RAB1A: variants seen among roughly 807,000 people sequenced by gnomAD.
The protein encoded by RAB1A is ras-related protein Rab-1A.
In RAB1A, 2 loss-of-function variants were observed where a neutral mutation model predicts 26.0. The ratio of observed to expected loss-of-function variants is 0.08; its 90% CI spans 0.03 to 0.24. RAB1A has a LOEUF of 0.24. Ranked by LOEUF, RAB1A falls within the 10% of genes least tolerant of loss-of-function variation. The pLI, the probability that RAB1A is intolerant of heterozygous loss-of-function variation, is 1.00. For synonymous variants in RAB1A, 84 were observed against 84.9 expected (o/e 0.99, Z 0.06); for missense variants, 100 against 247.0 (o/e 0.40, Z 3.99).
At position 65,121,224 on chromosome 2, in the gene RAB1A, G is replaced by C. The variant is rs947467972; in HGVS notation, c.23+8669C>G. Among the ~76,000 whole-genome samples, 9 of 116,078 alleles carry C rather than the reference G, an allele frequency of 7.8e-5. No homozygotes were observed. The East Asian group carries it at 2.6e-3, about 34-fold the overall frequency. The allele number at this position is 116,078 out of a possible 152,430, so 76.2% of individuals were successfully genotyped here. ...CACTCCAGCCTGGGAGACAGAGCTA[G>C]ATCATGTCTCGAAAAAAAAAAAAAA... On this transcript the variant is annotated intron_variant, in intron 1 of 5. Transcript: ENST00000409784.
In RAB1A at chr2:65,088,682, A is replaced by G. The variant is rs750271630; in HGVS notation, c.429T>C (p.Ala143=). ...CCAAAAACGGAATTCCAAGGGAATCAGCAAATTCCTAAGAGAATAATGAGG... is the reference window on the plus strand; with the variant it reads ...CCAAAAACGGAATTCCAAGGGAATCGGCAAATTCCTAAGAGAATAATGAGG... ...VVDYTTAKEF[A]DSLGIPFLET... is the part of the protein sequence containing the mutation. Residue 143 remains alanine (A), a synonymous_variant, in exon 6 of 6, where the codon GCT becomes GCC. Transcript: ENST00000409784. 2.1e-5 allele frequency: 34 copies of G among 1,604,286 alleles called. No homozygotes were observed. The highest frequency in any genetic ancestry group is 1.2e-4 in the South Asian group (11 of 89,332).
At chr2:65,114,171 C>A in intron 1 of RAB1A, 1 of 443,074 alleles carries the variant, frequency 2.3e-6, no homozygotes, top group Non-Finnish European at 4.4e-6. Flanking sequence ...TTTCTTCTTT[C>A]ATGAAATAAA....
chr2:65,104,751 G>A lies in RAB1A; in HGVS notation c.79C>T (p.Leu27Phe), dbSNP rs1669513191. The change falls in exon 2 of 6, where the codon CTT becomes TTT. Residue 27 changes from leucine (L) to phenylalanine (F), a missense_variant. Transcript: ENST00000409784. ...CAACTTACTGCAAACCTAAGAAGAA[G>A]GCAAGACTTTCCAACCCCTGAGTCG... ...IGDSGVGKSC[L>F]LLRFADDTYT... 6.3e-7 allele frequency: 1 copy of A among 1,592,950 alleles called. No homozygotes were observed. The highest frequency in any genetic ancestry group is 8.6e-7 in the Non-Finnish European group (1 of 1,167,364).
intron 3 of RAB1A, among the ~76,000 whole-genome samples, chr2:65,097,458 A>G (rs956954589): frequency 6.6e-6 from 1 of 152,200 alleles, no homozygotes; most frequent in African/African-American, 2.4e-5. Flanking sequence ...TGAGCAGTAA[A>G]ATGAACATGT....
chr2:65,120,022 C>A (rs1669921927), intron 1 of RAB1A, among the ~76,000 whole-genome samples: 1 of 151,844 alleles, frequency 6.6e-6, no homozygotes, highest in Non-Finnish European at 1.5e-5. Flanking sequence ...CACCAATCTA[C>A]ACATAAAGCA....
intron 1 of RAB1A, among the ~76,000 whole-genome samples, chr2:65,125,498 T>C (rs1285813378): frequency 1.4e-5 from 2 of 147,930 alleles, no homozygotes. Flanking sequence ...CTGGACTCAC[T>C]GCAGCCTCCG....
rs1441875239 is a variant in RAB1A, at chr2:65,086,993, T to TA, written c.*1499dup. ...TGCCTGTTTAGTGAAAAATAAAAAT[T>TA]AAAAAAACCTATTCATTTTTGGCTT... On this transcript the variant is annotated 3_prime_UTR_variant, in exon 6 of 6. Coordinates refer to ENST00000409784, the MANE Select transcript of RAB1A (RefSeq NM_004161.5). The TA allele has an allele frequency of 6.6e-6, 1 of 152,406 alleles. No homozygotes were observed. The highest frequency in any genetic ancestry group is 2.4e-5 in the African/African-American group (1 of 41,452). The allele number at this position is 152,406 out of a possible 1,614,324, so 9.4% of individuals were successfully genotyped here.
chr2:65,127,376 T>C (rs1235560977), intron 1 of RAB1A, among the ~76,000 whole-genome samples: 3 of 152,174 alleles, frequency 2.0e-5, no homozygotes, highest in African/African-American at 7.2e-5. Flanking sequence ...CCTGAAATCT[T>C]GTTGCTCTCA....
In RAB1A at chr2:65,129,898, G is replaced by T. The variant is rs751099183; in HGVS notation, c.18C>A (p.Pro6=). Residue 6 remains proline, a synonymous_variant, in exon 1 of 6, where the codon CCC becomes CCA. Coordinates refer to ENST00000409784, the MANE Select transcript of RAB1A (RefSeq NM_004161.5). MSSMN[P]EYDYLFKLLL... ...CGGTGCTCTCCTGAACTCACTATTC[G>T]GGATTCATGCTGGACATGTCACTGC... 1.3e-6 allele frequency: 2 copies of T among 1,596,432 alleles called. No individual in the cohort carries two copies. Among genetic ancestry groups the T allele is most frequent in the African/African-American group, 1.3e-5 (1 of 74,512 alleles).
intron 1 of RAB1A, among the ~76,000 whole-genome samples, chr2:65,119,462 G>A (rs965043334): frequency 7.3e-5 from 11 of 150,224 alleles, no homozygotes; most frequent in African/African-American, 2.2e-4. Context: ...ACCCGAAATC[G>A]AGCCACTGCA....
chr2:65,101,237 C>T (rs1399668494), intron 2 of RAB1A, among the ~76,000 whole-genome samples: 1 of 152,012 alleles, frequency 6.6e-6, no homozygotes. Flanking sequence ...ATTCGTCTGC[C>T]CAAAAGCCTC....
chr2:65,104,482 TTGACTC>T (rs1409402288), intron 2 of RAB1A, among the ~76,000 whole-genome samples: 2 of 152,244 alleles, frequency 1.3e-5, no homozygotes, highest in Admixed American at 6.5e-5. Flanking sequence ...GAACTGCTGT[TTGACTC>T]TGACCAAAAG....
chr2:65,129,610 G>A (rs944407056), intron 1 of RAB1A, among the ~76,000 whole-genome samples: 3 of 150,194 alleles, frequency 2.0e-5, no homozygotes. Context: ...ACCGCCCCAG[G>A]CCCCTCGGCA....
chr2:65,128,377 TGTTACCA>T (rs1670153542), intron 1 of RAB1A, among the ~76,000 whole-genome samples: 1 of 152,200 alleles, frequency 6.6e-6, no homozygotes, highest in African/African-American at 2.4e-5. Context: ...TGTTCTTTAT[TGTTACCA>T]AGAAAACTAC....
chr2:65,087,080 C>A lies in RAB1A; in HGVS notation c.*1413G>T, dbSNP rs1007035308. 1 of 152,270 alleles carries A rather than the reference C, an allele frequency of 6.6e-6. No homozygotes were observed. Among genetic ancestry groups the A allele is most frequent in the Admixed American group, 6.5e-5 (1 of 15,290 alleles). The allele number at this position is 152,270 out of a possible 1,614,324, so 9.4% of individuals were successfully genotyped here. ...CCACAACAAAATGTGTTGCCAGCAGCCATATCCCAAGCCCCTGCGTGAAGA... is the reference window on the plus strand; with the variant it reads ...CCACAACAAAATGTGTTGCCAGCAGACATATCCCAAGCCCCTGCGTGAAGA... On this transcript the variant is annotated 3_prime_UTR_variant, in exon 6 of 6. Coordinates refer to ENST00000409784, the MANE Select transcript of RAB1A (RefSeq NM_004161.5).
intron 1 of RAB1A, among the ~76,000 whole-genome samples, chr2:65,118,751 T>C (rs1019446875): frequency 2.0e-5 from 3 of 152,206 alleles, no homozygotes; most frequent in African/African-American, 7.2e-5. Flanking sequence ...GTGCTAGGAC[T>C]ACAGGCGTCA....
At chr2:65,119,936 G>T (rs1446995972) in intron 1 of RAB1A, among the ~76,000 whole-genome samples, 1 of 150,850 alleles carries the variant, frequency 6.6e-6, no homozygotes, top group African/African-American at 2.4e-5. Context: ...TGGTGAAGAT[G>T]CCTAATTTGG....
At position 65,104,726 on chromosome 2, in the gene RAB1A, C is replaced by A. The variant is rs1215107376; in HGVS notation, c.96+8G>T. 1.9e-6 allele frequency: 3 copies of A among 1,550,016 alleles called. No individual in the cohort carries two copies. The highest frequency in any genetic ancestry group is 2.6e-6 in the Non-Finnish European group (3 of 1,136,486). The stretch of plus-strand genomic sequence containing the variant: ...ATTAATTGTAAAGACATTTCAATTT[C>A]AACTTACTGCAAACCTAAGAAGAAG... On this transcript the variant is annotated splice_region_variant and intron_variant, in intron 2 of 5. Coordinates refer to ENST00000409784, the MANE Select transcript of RAB1A (RefSeq NM_004161.5).
chr2:65,105,011 G>A (rs1669520814), intron 1 of RAB1A: 1 of 668,364 alleles, frequency 1.5e-6, no homozygotes, highest in Admixed American at 2.3e-5. Flanking sequence ...GTAAAAAGTA[G>A]GCAATGCCAC....
Sources: gnomAD v4.1 joint callset for allele counts (sites outside exome capture counted in the v4.1 genomes callset) on GRCh38, gnomAD v4.1.1 for gene constraint, MANE v1.5 for transcripts, NCBI Gene and HGNC (gene_info 2026-07-23, HGNC 2026-07-21) for gene names.